RABL6: variants seen among roughly 807,000 people sequenced by gnomAD.
RABL6 encodes rab-like protein 6.
A neutral mutation model predicts 72.9 loss-of-function variants in RABL6; 28 were observed. The ratio of observed to expected loss-of-function variants is 0.38; its 90% CI spans 0.28 to 0.53. The LOEUF (loss-of-function observed/expected upper bound fraction) is 0.53, where lower values mean the gene tolerates loss of function less well. Ranked by LOEUF, RABL6 falls within the 20% of genes least tolerant of loss-of-function variation. The pLI is 0.80. For missense variants in RABL6, 1,029 were observed against 1,008.4 expected (o/e 1.02, Z -0.28); for synonymous variants, 477 against 421.2 (o/e 1.13, Z -1.62).
At chr9:136,823,186 C>T (rs964318943) in intron 1 of RABL6, among the ~76,000 whole-genome samples, 1 of 151,672 alleles carries the variant, frequency 6.6e-6, no homozygotes, top group African/African-American at 2.4e-5. Context: ...GGTGGTGGGC[C>T]CTGACCCTGA....
At chr9:136,831,573 C>T (rs1212766901) in intron 5 of RABL6, 148 bp from the exon 6 acceptor site, 26 of 1,174,172 alleles carry the variant, frequency 2.2e-5, no homozygotes, top group African/African-American at 1.5e-5. Flanking sequence ...CCCTCTAGCT[C>T]TGCATGCACG....
intron 4 of RABL6, among the ~76,000 whole-genome samples, chr9:136,828,956 G>A (rs7866538): frequency 0.013 from 1,942 of 152,300 alleles, 56 homozygotes; most frequent in African/African-American, 0.044. Flanking sequence ...CGCACTCTCC[G>A]TGCGGTGCCT....
intron 1 of RABL6, chr9:136,815,484 G>A (rs1223527774): frequency 7.5e-6 from 2 of 265,496 alleles, no homozygotes; most frequent in Non-Finnish European, 1.5e-5. Context: ...CTTTGGGGGA[G>A]CAGCCATTTT....
At chr9:136,810,719 T>G (rs1411347510) in intron 1 of RABL6, among the ~76,000 whole-genome samples, 1 of 152,164 alleles carries the variant, frequency 6.6e-6, no homozygotes, top group Non-Finnish European at 1.5e-5. Flanking sequence ...TTTTTTGTAT[T>G]TTTAGTAGAG....
Position 136,822,173 on chromosome 9 carries a change from G to A in RABL6, c.131-1352G>A, listed in dbSNP as rs1316909217. ...GGGCGCCCTCTGCGTTGGGAGCTTG[G>A]GGTCCCCCTGACAGAAAACCTGGGG... On this transcript the variant is annotated intron_variant, in intron 1 of 14. Transcript: ENST00000311502. 5.9e-5 allele frequency: 64 copies of A among 1,090,404 alleles called. No individual in the cohort carries two copies. The South Asian group carries it at 7.3e-4, about 12-fold the overall frequency. 67.5% of individuals were successfully genotyped at this position (1,090,404 alleles called of 1,614,324 possible). A position where few individuals can be genotyped will look rare whatever the true frequency, so the allele number is the denominator to read the frequency against.
intron 3 of RABL6, 44 bp downstream of exon 3, chr9:136,825,870 T>A: frequency 6.3e-7 from 1 of 1,580,200 alleles, no homozygotes; most frequent in South Asian, 1.1e-5. Context: ...TGGGACTGTG[T>A]GCTCTGCGCA....
intron 1 of RABL6, among the ~76,000 whole-genome samples, chr9:136,812,079 T>G (rs1382252748): frequency 6.6e-6 from 1 of 152,212 alleles, no homozygotes; most frequent in Non-Finnish European, 1.5e-5. Flanking sequence ...GGAAGAAAGA[T>G]TGTTGCCTGA....
chr9:136,813,380 G>A (rs1848053844), intron 1 of RABL6: 1 of 958,622 alleles, frequency 1.0e-6, no homozygotes, highest in Admixed American at 2.1e-5. Flanking sequence ...CTGTTGCACT[G>A]TAGGAGAGGT....
Position 136,811,901 on chromosome 9 carries a change from C to T in RABL6, c.130+3575C>T, listed in dbSNP as rs113918312. On this transcript the variant is annotated intron_variant, in intron 1 of 14. Coordinates refer to ENST00000311502, the MANE Select transcript of RABL6 (RefSeq NM_024718.5). ...ACAATGAGGCCTGTCTGACTCCCCT[C>T]TTCCCATAATGGCCTGAACCAGTCT... Among the ~76,000 whole-genome samples, 1,222 of 152,370 alleles carry T rather than the reference C, an allele frequency of 8.0e-3. 10 individuals carry two copies. The highest frequency in any genetic ancestry group is 0.065 in the Middle Eastern group (19 of 294).
At chr9:136,808,773 G>C (rs1564355266) in intron 1 of RABL6, 2 of 152,460 alleles carry the variant, frequency 1.3e-5, no homozygotes, top group Non-Finnish European at 2.9e-5. Flanking sequence ...CTTTCAGCGG[G>C]ATTTTTCTTT....
chr9:136,835,296 T>C (rs2811745), intron 7 of RABL6: 153,824 of 153,840 alleles, frequency 1, 76,904 homozygotes, highest in Middle Eastern at 1. Context: ...AGGAGGGCAG[T>C]GGTTTGCTCC....
chr9:136,828,622 C>A, intron 4 of RABL6, 76 bp downstream of exon 4: 1 of 1,490,580 alleles, frequency 6.7e-7, no homozygotes, highest in Non-Finnish European at 9.3e-7. Context: ...GCGCTTCACA[C>A]GCTTTTGACC....
chr9:136,841,127 G>T lies in RABL6; in HGVS notation c.*605G>T. 1.7e-6 allele frequency: 2 copies of T among 1,178,818 alleles called. No individual in the cohort carries two copies. The highest frequency in any genetic ancestry group is 2.2e-6 in the Non-Finnish European group (2 of 891,640). 73.0% of individuals were successfully genotyped at this position (1,178,818 alleles called of 1,614,324 possible). On this transcript the variant is annotated 3_prime_UTR_variant, in exon 15 of 15. Transcript: ENST00000311502. The stretch of plus-strand genomic sequence containing the variant: ...CGCTCAGGTGAGCCCGAAGGCAGGA[G>T]CCGGGAGGCACTCCTCCCAAACACT...
At chr9:136,812,493 AG>A (rs1239730921) in intron 1 of RABL6, among the ~76,000 whole-genome samples, 1 of 152,126 alleles carries the variant, frequency 6.6e-6, no homozygotes, top group African/African-American at 2.4e-5. Context: ...CGGGAGGCAG[AG>A]GTTGCCGTGA....
rs781205381 is a variant in RABL6, at chr9:136,832,320, G to A, written c.655G>A (p.Gly219Ser). 8.7e-6 allele frequency: 14 copies of A among 1,613,748 alleles called. No homozygotes were observed. The highest frequency in any genetic ancestry group is 1.7e-5 in the Admixed American group (1 of 60,002). The change falls in exon 7 of 15, where the codon GGC becomes AGC. Residue 219 changes from glycine to serine, a missense_variant. Physicochemically the swap from Gly to Ser is moderately conservative, Grantham distance 56. This residue lies in a region of RABL6 where 434 missense variants were observed against 536.1 expected (regional missense o/e 0.81). Transcript: ENST00000311502. Reference sequence around the variant, plus strand: ...TGAGTCTTCCATGAAGAACAGCTTCGGCCTAAAGTACCTTCATAAGTTCTT... The same window carrying A: ...TGAGTCTTCCATGAAGAACAGCTTCAGCCTAAAGTACCTTCATAAGTTCTT... ...YAESSMKNSF[G>S]LKYLHKFFNI...
In RABL6 at chr9:136,837,633, C is replaced by T. The variant is rs937703022; in HGVS notation, c.1097C>T (p.Pro366Leu). The change falls in exon 9 of 15, where the codon CCT becomes CTT. Residue 366 changes from proline (P) to leucine (L), a missense_variant. By Grantham distance (98) the Pro-to-Leu change is moderately conservative. This residue lies in a region of RABL6 where 434 missense variants were observed against 536.1 expected (regional missense o/e 0.81). Coordinates refer to ENST00000311502, the MANE Select transcript of RABL6 (RefSeq NM_024718.5). ...ATCTCTAGGCTGTTTGGGACGTCACCTGCCACCGAGGCAGCCCCTCCACCT... is the reference window on the plus strand; with the variant it reads ...ATCTCTAGGCTGTTTGGGACGTCACTTGCCACCGAGGCAGCCCCTCCACCT... Reference protein sequence around the residue: ...SIISRLFGTSPATEAAPPPPE... With the variant: ...SIISRLFGTSLATEAAPPPPE... 5 of 1,596,774 alleles carry T rather than the reference C, an allele frequency of 3.1e-6. No individual in the cohort carries two copies. In the African/African-American group the frequency reaches 5.4e-5, roughly 17 times the overall value.
chr9:136,809,497 C>G (rs113350781), intron 1 of RABL6: 51 of 265,232 alleles, frequency 1.9e-4, no homozygotes, highest in African/African-American at 1.1e-3. Context: ...GGTGTCCGGG[C>G]CGGGCACGGT....
chr9:136,823,412 A>C lies in RABL6; in HGVS notation c.131-113A>C, dbSNP rs1848285339. ...CCGGTCACCTGGTCTGATTCTAGCAAGAAAGATGAAACAGGTGGCAGCAGA... is the reference window on the plus strand; with the variant it reads ...CCGGTCACCTGGTCTGATTCTAGCACGAAAGATGAAACAGGTGGCAGCAGA... On this transcript the variant is annotated intron_variant, in intron 1 of 14. Transcript: ENST00000311502. 9 of 1,404,136 alleles carry C rather than the reference A, an allele frequency of 6.4e-6. No individual in the cohort carries two copies. In the South Asian group the frequency reaches 9.4e-5, roughly 15 times the overall value. The allele number at this position is 1,404,136 out of a possible 1,614,324, so 87.0% of individuals were successfully genotyped here.
rs765095792 is a variant in RABL6 at position 136,829,452 on chromosome 9, G to C, written c.426G>C (p.Gly142=). The change falls in exon 5 of 15, where the codon GGG becomes GGC. Residue 142 remains glycine, a synonymous_variant. Coordinates refer to ENST00000311502, the MANE Select transcript of RABL6 (RefSeq NM_024718.5). The part of the protein sequence containing the change: ...EFLDVYKNCN[G]VVMMFDITKQ... The stretch of plus-strand genomic sequence containing the variant: ...TGGACGTGTACAAGAACTGCAACGG[G>C]GTGGTCATGATGTTCGACATTACCA... The C allele has an allele frequency of 3.1e-6, 5 of 1,588,218 alleles. No homozygotes were observed. Among genetic ancestry groups the C allele is most frequent in the Middle Eastern group, 3.3e-4 (2 of 6,030 alleles).
Sources: gnomAD v4.1 joint callset for allele counts (sites outside exome capture counted in the v4.1 genomes callset) on GRCh38, gnomAD v4.1.1 for gene constraint, gnomAD v4.1.1 regional missense constraint, MANE v1.5 for transcripts, NCBI Gene and HGNC (gene_info 2026-07-23, HGNC 2026-07-21) for gene names.